ARID5B: variants seen among roughly 807,000 people sequenced by gnomAD.
ARID5B encodes the protein AT-rich interaction domain 5B.
ARID5B carries 13 observed loss-of-function variants against 97.2 expected under a neutral mutation model. The ratio of observed to expected loss-of-function variants is 0.13; its 90% CI spans 0.09 to 0.21. The LOEUF (loss-of-function observed/expected upper bound fraction) is 0.21, where lower values mean the gene tolerates loss of function less well. ARID5B is among the 10% of genes least tolerant of loss of function. ARID5B has a pLI of 1.00. For synonymous variants in ARID5B, 556 were observed against 570.3 expected (o/e 0.97, Z 0.36); for missense variants, 1,210 against 1,465.3 (o/e 0.83, Z 2.84).
rs1198386993 is a variant in ARID5B at position 62,096,508 on chromosome 10, G to T, written c.*3478G>T. ...TCTTGAGCACTTAAAGTCCAGTGTTGGCTGTTAGTGTATTTGATATTCTGC... is the reference window on the plus strand; with the variant it reads ...TCTTGAGCACTTAAAGTCCAGTGTTTGCTGTTAGTGTATTTGATATTCTGC... On this transcript the variant is annotated 3_prime_UTR_variant, in exon 10 of 10. Coordinates refer to ENST00000279873, the MANE Select transcript of ARID5B (RefSeq NM_032199.3). 4 of 233,218 alleles carry T rather than the reference G, an allele frequency of 1.7e-5. No homozygotes were observed. The highest frequency in any genetic ancestry group is 3.4e-5 in the Non-Finnish European group (4 of 118,000). The allele number at this position is 233,218 out of a possible 1,614,324, so 14.4% of individuals were successfully genotyped here.
intron 3 of ARID5B, among the ~76,000 whole-genome samples, chr10:61,988,939 T>C: frequency 6.8e-6 from 1 of 146,668 alleles, no homozygotes; most frequent in Non-Finnish European, 1.5e-5. Flanking sequence ...TCTTTTACTT[T>C]TTTTTTTTTT....
intron 3 of ARID5B, among the ~76,000 whole-genome samples, chr10:61,971,575 G>A (rs1838627597): frequency 6.6e-6 from 1 of 152,170 alleles, no homozygotes; most frequent in Admixed American, 6.5e-5. Context: ...TTGCCATGGT[G>A]GATACATGAC....
intron 3 of ARID5B, among the ~76,000 whole-genome samples, chr10:61,977,233 AC>A (rs1838713062): frequency 6.6e-6 from 1 of 152,120 alleles, no homozygotes; most frequent in African/African-American, 2.4e-5. Context: ...TATATGTGCC[AC>A]CTTTTCTTTA....
chr10:61,981,894 G>A (rs75527785), intron 3 of ARID5B, among the ~76,000 whole-genome samples: 2,431 of 152,278 alleles, frequency 0.016, 65 homozygotes, highest in African/African-American at 0.055. Context: ...CCTGTCAGAC[G>A]TCCATGGTGG....
chr10:61,949,642 AC>A (rs546794669), intron 3 of ARID5B, among the ~76,000 whole-genome samples: 14 of 151,194 alleles, frequency 9.3e-5, no homozygotes, highest in African/African-American at 2.7e-4. Context: ...TGTCCACACC[AC>A]CCCCCCACGC....
chr10:62,066,048 G>A (rs4948499), intron 7 of ARID5B, among the ~76,000 whole-genome samples: 65,446 of 151,938 alleles, frequency 0.43, 15,595 homozygotes, highest in Non-Finnish European at 0.56. Flanking sequence ...GGAGGCAGAC[G>A]TTGGTTTTAT....
chr10:62,069,120 T>A (rs10821953), intron 7 of ARID5B, among the ~76,000 whole-genome samples: 50,346 of 152,132 alleles, frequency 0.33, 9,020 homozygotes, highest in Non-Finnish European at 0.41. Flanking sequence ...AAATATAGCC[T>A]GAAATGACTA....
At chr10:62,028,352 A>G (rs2132900734) in intron 4 of ARID5B, among the ~76,000 whole-genome samples, 1 of 152,300 alleles carries the variant, frequency 6.6e-6, no homozygotes, top group African/African-American at 2.4e-5. Context: ...TCCTGTGTTA[A>G]GTGTGGGCCT....
At position 62,057,138 on chromosome 10, in the gene ARID5B, G is replaced by A. The variant is rs1432454262; in HGVS notation, c.868G>A (p.Ala290Thr). The A allele has an allele frequency of 1.9e-6, 3 of 1,613,514 alleles. No individual in the cohort carries two copies. The highest frequency in any genetic ancestry group is 1.3e-5 in the African/African-American group (1 of 74,866). The stretch of plus-strand genomic sequence containing the variant: ...CCAGGTGAAATGTGAGGCCAGGTCA[G>A]CCTTGACCAAGCCGAAGAATAACCA... ...VAKVKCEARS[A>T]LTKPKNNHNC... is the part of the protein sequence containing the mutation. The change falls in exon 6 of 10, where the codon GCC (alanine) becomes ACC (threonine). Residue 290 changes from alanine to threonine, a missense_variant. Transcript: ENST00000279873.
At chr10:62,046,854 A>G (rs540937463) in intron 4 of ARID5B, 1 of 152,256 alleles carries the variant, frequency 6.6e-6, no homozygotes, top group Admixed American at 6.5e-5. Context: ...CTCGCTGTCA[A>G]TTCTGTCGGA....
At chr10:62,080,857 C>A (rs1189145788) in intron 8 of ARID5B, among the ~76,000 whole-genome samples, 4 of 151,678 alleles carry the variant, frequency 2.6e-5, no homozygotes, top group African/African-American at 9.7e-5. Context: ...GAGTCTCACT[C>A]TGTCACCCAG....
At position 61,906,371 on chromosome 10, in the gene ARID5B, C is replaced by A. The variant is rs74156276; in HGVS notation, c.276+3958C>A. On this transcript the variant is annotated intron_variant, in intron 2 of 9. Coordinates refer to ENST00000279873, the MANE Select transcript of ARID5B (RefSeq NM_032199.3). ...TTGCCACATTCAGCCACTAGCTCTT[C>A]AGAGGAGGAAAATGGCAAAGTAGGC... Among the ~76,000 whole-genome samples, 950 of 152,294 alleles carry A rather than the reference C, an allele frequency of 6.2e-3. 4 individuals carry two copies. Among genetic ancestry groups the A allele is most frequent in the Middle Eastern group, 0.02 (6 of 294 alleles).
intron 9 of ARID5B, among the ~76,000 whole-genome samples, chr10:62,089,777 C>T (rs1840343476): frequency 2.0e-5 from 3 of 152,080 alleles, no homozygotes; most frequent in Admixed American, 6.5e-5. Flanking sequence ...ATCTGCCTGC[C>T]TCGGCCTCCC....
intron 3 of ARID5B, among the ~76,000 whole-genome samples, chr10:61,993,429 T>G (rs1332215947): frequency 7.9e-5 from 12 of 152,232 alleles, no homozygotes; most frequent in Non-Finnish European, 2.9e-5. Flanking sequence ...TTCTGTATAA[T>G]GTCCTGTAAT....
chr10:61,956,205 T>A (rs1838389485), intron 3 of ARID5B, among the ~76,000 whole-genome samples: 1 of 152,190 alleles, frequency 6.6e-6, no homozygotes, highest in Non-Finnish European at 1.5e-5. Flanking sequence ...CTGCCTGAGC[T>A]TCACCTCCCA....
chr10:62,013,576 C>G (rs1346907600), intron 4 of ARID5B, among the ~76,000 whole-genome samples: 1 of 151,870 alleles, frequency 6.6e-6, no homozygotes, highest in Non-Finnish European at 1.5e-5. Flanking sequence ...GCAACATCTC[C>G]CCAACTCCCC....
chr10:62,092,145 G>A lies in ARID5B; in HGVS notation c.2682G>A (p.Ser894=), dbSNP rs762285527. 7 of 1,607,476 alleles carry A rather than the reference G, an allele frequency of 4.4e-6. No individual in the cohort carries two copies. The highest frequency in any genetic ancestry group is 2.2e-5 in the South Asian group (2 of 90,118). The change falls in exon 10 of 10, where the codon TCG becomes TCA. Residue 894 remains serine, a synonymous_variant. Coordinates refer to ENST00000279873, the MANE Select transcript of ARID5B (RefSeq NM_032199.3). ...LTSLHLQDKK[S]AAAEAPTDDQ... ...CCCTGCACCTGCAAGACAAAAAGTC[G>A]GCGGCAGCAGAAGCCCCTACGGATG...
intron 2 of ARID5B, among the ~76,000 whole-genome samples, chr10:61,922,677 G>A (rs1402356443): frequency 6.6e-6 from 1 of 152,224 alleles, no homozygotes; most frequent in Non-Finnish European, 1.5e-5. Flanking sequence ...TACGGCCATG[G>A]AAAGAAGACC....
intron 2 of ARID5B, 52 bp downstream of exon 2, chr10:61,902,465 T>C (rs751732698): frequency 3.8e-6 from 6 of 1,596,500 alleles, no homozygotes; most frequent in Non-Finnish European, 3.4e-6. Context: ...TTCCCCCTAG[T>C]AATGCTTATT....
Sources: allele counts gnomAD v4.1 joint callset (sites outside exome capture counted in the v4.1 genomes callset), GRCh38; gene constraint gnomAD v4.1.1; transcripts MANE v1.5; gene names NCBI Gene and HGNC (gene_info 2026-07-23, HGNC 2026-07-21).